Variants in SHISA9 observed in about 807,000 individuals in gnomAD.
SHISA9 encodes the protein protein shisa-9.
A neutral mutation model predicts 38.0 loss-of-function variants in SHISA9; 13 were observed. The observed-to-expected ratio is 0.34, with a 90% confidence interval of 0.22 to 0.54. The LOEUF is 0.54. SHISA9 is among the 20% of genes least tolerant of loss of function. The pLI, the probability that SHISA9 is intolerant of heterozygous loss-of-function variation, is 0.91. For synonymous variants in SHISA9, 275 were observed against 242.0 expected (o/e 1.14, Z -1.27); for missense variants, 538 against 575.8 (o/e 0.93, Z 0.67).
chr16:13,484,272 G>A, the SHISA9 span, among the ~76,000 whole-genome samples: 2 of 152,158 alleles, frequency 1.3e-5, no homozygotes, highest in Non-Finnish European at 2.9e-5. Flanking sequence ...CGAAACAAGT[G>A]TGATAAAAGC....
At chr16:13,003,000 T>C (rs2072545455) in intron 2 of SHISA9, among the ~76,000 whole-genome samples, 1 of 152,174 alleles carries the variant, frequency 6.6e-6, no homozygotes, top group Admixed American at 6.5e-5. Context: ...AAAAAAAAGC[T>C]TCCTTAAGAT....
chr16:13,078,567 G>A (rs2073611159), intron 2 of SHISA9, among the ~76,000 whole-genome samples: 1 of 151,908 alleles, frequency 6.6e-6, no homozygotes, highest in African/African-American at 2.4e-5. Context: ...CACCATGCCT[G>A]GATAATTTTT....
the SHISA9 span, among the ~76,000 whole-genome samples, chr16:13,425,017 C>A: frequency 6.6e-6 from 1 of 152,214 alleles, no homozygotes. Flanking sequence ...GAATACTACA[C>A]AGCCATAAAA....
At chr16:13,261,697 G>A in the SHISA9 span, among the ~76,000 whole-genome samples, 2 of 152,162 alleles carry the variant, frequency 1.3e-5, no homozygotes, top group African/African-American at 4.8e-5. Flanking sequence ...GTAGATTAAT[G>A]GTGGCACTTG....
At chr16:13,371,304 T>C in the SHISA9 span, among the ~76,000 whole-genome samples, 3 of 152,216 alleles carry the variant, frequency 2.0e-5, no homozygotes, top group African/African-American at 7.2e-5. Context: ...TATCCAGATG[T>C]CCCTGCTCAC....
the SHISA9 span, among the ~76,000 whole-genome samples, chr16:13,464,657 C>T: frequency 2.0e-5 from 3 of 152,090 alleles, no homozygotes; most frequent in African/African-American, 4.8e-5. Context: ...GAAATTTTCC[C>T]GTTTACTACC....
the SHISA9 span, among the ~76,000 whole-genome samples, chr16:13,414,651 T>TTTTC: frequency 6.8e-6 from 1 of 146,780 alleles, no homozygotes; most frequent in East Asian, 2.0e-4. Context: ...TCTTTCTTTC[T>TTTTC]TTTTTTTTTT....
chr16:13,398,140 G>A, the SHISA9 span, among the ~76,000 whole-genome samples: 1 of 152,290 alleles, frequency 6.6e-6, no homozygotes. Flanking sequence ...CTAGGGTCTT[G>A]GGTTTTTATA....
At chr16:13,180,523 C>A (rs1036999309) in intron 2 of SHISA9, among the ~76,000 whole-genome samples, 1 of 152,106 alleles carries the variant, frequency 6.6e-6, no homozygotes, top group Non-Finnish European at 1.5e-5. Flanking sequence ...CACAGTGAGA[C>A]CTTGTGTCTA....
intron 2 of SHISA9, among the ~76,000 whole-genome samples, chr16:13,130,793 A>G (rs1211738367): frequency 1.3e-5 from 2 of 152,244 alleles, no homozygotes; most frequent in African/African-American, 4.8e-5. Context: ...GGCAATATGT[A>G]GAAGACTGGT....
At chr16:13,337,454 C>G in the SHISA9 span, among the ~76,000 whole-genome samples, 11 of 152,110 alleles carry the variant, frequency 7.2e-5, no homozygotes, top group Admixed American at 2.0e-4. Flanking sequence ...GTCCATTAAA[C>G]CTCTTTCTTT....
At chr16:13,367,712 G>GCGCGCGCGCACA in the SHISA9 span, among the ~76,000 whole-genome samples, 2 of 104,640 alleles carry the variant, frequency 1.9e-5, no homozygotes, top group African/African-American at 7.0e-5. Flanking sequence ...GCGCGCGCGC[G>GCGCGCGCGCACA]CACACACACA....
the SHISA9 span, among the ~76,000 whole-genome samples, chr16:13,379,374 T>C: frequency 3.3e-5 from 5 of 152,188 alleles, no homozygotes; most frequent in African/African-American, 1.2e-4. Flanking sequence ...ATACTGACTT[T>C]TGGAGGGAGT....
chr16:12,989,660 C>T (rs1357104215), intron 2 of SHISA9, among the ~76,000 whole-genome samples: 2 of 152,072 alleles, frequency 1.3e-5, no homozygotes, highest in African/African-American at 4.8e-5. Context: ...CTTTTTGTCA[C>T]ATACCATTTT....
At chr16:13,242,240 G>C (rs1214594489), downstream of SHISA9, among the ~76,000 whole-genome samples, 1 of 152,194 alleles carries the variant, frequency 6.6e-6, no homozygotes, top group African/African-American at 2.4e-5. Context: ...TCTGTCAATA[G>C]TTCTCACCTG....
the SHISA9 span, among the ~76,000 whole-genome samples, chr16:13,451,111 A>G: frequency 1.3e-5 from 2 of 152,030 alleles, no homozygotes; most frequent in Non-Finnish European, 2.9e-5. Context: ...GCCCTCAGTG[A>G]TGGATGGGAA....
intron 2 of SHISA9, among the ~76,000 whole-genome samples, chr16:13,149,906 T>C (rs560090975): frequency 4.8e-4 from 64 of 133,368 alleles, no homozygotes; most frequent in Non-Finnish European, 8.6e-4. Flanking sequence ...GCCTGGGTGA[T>C]AGAGCAATAC....
chr16:13,277,268 G>A, the SHISA9 span, among the ~76,000 whole-genome samples: 1 of 151,982 alleles, frequency 6.6e-6, no homozygotes, highest in South Asian at 2.1e-4. Context: ...TGTTCCATTG[G>A]TCTATGTGCA....
chr16:13,071,677 A>G (rs1449304579), intron 2 of SHISA9, among the ~76,000 whole-genome samples: 1 of 146,856 alleles, frequency 6.8e-6, no homozygotes, highest in African/African-American at 2.6e-5. Context: ...AGTCTCTGTC[A>G]CTCAGGCTGG....
Sources: gnomAD v4.1 joint callset for allele counts (sites outside exome capture counted in the v4.1 genomes callset) on GRCh38, gnomAD v4.1.1 for gene constraint, MANE v1.5 for transcripts, NCBI Gene and HGNC (gene_info 2026-07-23, HGNC 2026-07-21) for gene names.